The following UNC119 variants were observed in gnomAD, a reference collection of about 807,000 sequenced individuals.
The protein encoded by UNC119 is unc-119 lipid binding chaperone.
UNC119 carries 15 observed loss-of-function variants against 22.6 expected under a neutral mutation model. That is an observed-to-expected ratio of 0.66 (90% CI 0.44 to 1.02). The LOEUF (loss-of-function observed/expected upper bound fraction) is 1.02, where lower values mean the gene tolerates loss of function less well. UNC119 is among the 50% of genes least tolerant of loss of function. The pLI is 0.00. For synonymous variants in UNC119, 138 were observed against 139.4 expected, an observed-to-expected ratio of 0.99 and a Z score of 0.07; for missense variants, 322 against 336.0, an observed-to-expected ratio of 0.96 and a Z score of 0.33.
At chr17:28,547,974 C>T (rs1236893751) in intron 3 of UNC119, 25 bp downstream of exon 3, 1 of 1,613,758 alleles carries the variant, frequency 6.2e-7, no homozygotes, top group South Asian at 1.1e-5. Flanking sequence ...TCACCCCCAC[C>T]ACCACCCATA....
intron 1 of UNC119, 54 bp from the exon 2 acceptor site, chr17:28,548,759 G>A: frequency 6.8e-7 from 1 of 1,468,770 alleles, no homozygotes. Context: ...CCTGCTGCCA[G>A]GTCAGCTTGT....
intron 1 of UNC119, chr17:28,549,312 T>G (rs1024732481): frequency 2.6e-5 from 4 of 152,568 alleles, no homozygotes; most frequent in African/African-American, 9.7e-5. Flanking sequence ...GTGAGGCTGA[T>G]GTTAAGGGGA....
At chr17:28,548,861 C>A in intron 1 of UNC119, 156 bp from the exon 2 acceptor site, 1 of 618,804 alleles carries the variant, frequency 1.6e-6, no homozygotes, top group Admixed American at 2.7e-5. Context: ...GGGTACACCC[C>A]CAGTGTGGAA....
chr17:28,548,132 G>A lies in UNC119; in HGVS notation c.335-31C>T, dbSNP rs773109010. ...ATGTACCCCAGCTGGGGCTCAGTGG[G>A]CTTCAGGCTGGGCCCTTGTCCACCC... On this transcript the variant is annotated intron_variant, in intron 2 of 4. Coordinates refer to ENST00000335765, the MANE Select transcript of UNC119 (RefSeq NM_005148.4). The A allele has an allele frequency of 5.0e-6, 8 of 1,587,372 alleles. No homozygotes were observed. In the Admixed American group the frequency reaches 1.4e-4, roughly 28 times the overall value.
Position 28,548,578 on chromosome 17 carries a change from C to T in UNC119, c.334+14G>A, listed in dbSNP as rs1313133274. The T allele has an allele frequency of 3.1e-6, 5 of 1,610,408 alleles. No homozygotes were observed. Among genetic ancestry groups the T allele is most frequent in the Middle Eastern group, 1.7e-4 (1 of 6,058 alleles). Reference sequence around the variant, plus strand: ...TATCTGCCTCCCCATCAATGGCCCACCCAGCCCACTCACCTGAGACTGGGG... The same window carrying T: ...TATCTGCCTCCCCATCAATGGCCCATCCAGCCCACTCACCTGAGACTGGGG... On this transcript the variant is annotated intron_variant, in intron 2 of 4. Coordinates refer to ENST00000335765, the MANE Select transcript of UNC119 (RefSeq NM_005148.4).
rs780972765 is a variant in UNC119, at chr17:28,548,721, A to T, written c.221-16T>A. ...CAGAGGTAGTCTAGGGGAAACAGGC[A>T]GCTGAGCAAGGAAGGGGCCGCAAAG... On this transcript the variant is annotated splice_polypyrimidine_tract_variant and intron_variant, in intron 1 of 4. Transcript: ENST00000335765. The T allele has an allele frequency of 3.7e-6, 6 of 1,608,428 alleles. No individual in the cohort carries two copies. Among genetic ancestry groups the T allele is most frequent in the Non-Finnish European group, 8.5e-7 (1 of 1,175,204 alleles).
intron 1 of UNC119, chr17:28,550,267 T>C (rs1293787136): frequency 6.6e-6 from 1 of 152,172 alleles, no homozygotes; most frequent in Non-Finnish European, 1.5e-5. Flanking sequence ...GGAACGGAGG[T>C]GGCAGAGTGG....
chr17:28,547,540 A>G (rs918796382), intron 4 of UNC119, 131 bp from the exon 5 acceptor site: 2 of 1,590,136 alleles, frequency 1.3e-6, no homozygotes, highest in African/African-American at 2.7e-5. Context: ...TCTACGGATG[A>G]TATGGGAATG....
chr17:28,547,486 G>A, intron 4 of UNC119, 77 bp from the exon 5 acceptor site: 7 of 1,598,004 alleles, frequency 4.4e-6, no homozygotes, highest in Non-Finnish European at 6.0e-6. Flanking sequence ...CAGGACTGGG[G>A]TACAGGGACA....
chr17:28,552,117 G>A (rs1461471703), intron 1 of UNC119: 4 of 710,082 alleles, frequency 5.6e-6, no homozygotes, highest in South Asian at 3.0e-5. Context: ...AATAAATCTC[G>A]AAAGGGAGAA....
At chr17:28,551,127 C>G (rs1390563982) in intron 1 of UNC119, 3 of 152,364 alleles carry the variant, frequency 2.0e-5, no homozygotes, top group Non-Finnish European at 4.4e-5. Flanking sequence ...GCTGTCTCCC[C>G]TCCACAGCTC....
chr17:28,547,235 T>G lies in UNC119; in HGVS notation c.*62A>C. 1.9e-6 allele frequency: 3 copies of G among 1,592,454 alleles called. No homozygotes were observed. The highest frequency in any genetic ancestry group is 2.6e-6 in the Non-Finnish European group (3 of 1,164,132). On this transcript the variant is annotated 3_prime_UTR_variant, in exon 5 of 5. Coordinates refer to ENST00000335765, the MANE Select transcript of UNC119 (RefSeq NM_005148.4). Reference sequence around the variant, plus strand: ...AGGACTTGGGGTTGAGGGGTGAGCGTTGGGGAGGTCACAGCTCCCAGCCCA... The same window carrying G: ...AGGACTTGGGGTTGAGGGGTGAGCGGTGGGGAGGTCACAGCTCCCAGCCCA...
chr17:28,547,483 G>C, intron 4 of UNC119, 74 bp from the exon 5 acceptor site: 1 of 1,599,220 alleles, frequency 6.3e-7, no homozygotes. Context: ...CTTCAGGACT[G>C]GGGTACAGGG....
intron 1 of UNC119, 43 bp from the exon 2 acceptor site, chr17:28,548,748 C>A: frequency 6.5e-7 from 1 of 1,534,314 alleles, no homozygotes; most frequent in South Asian, 1.1e-5. Context: ...GCCGCAAAGC[C>A]CCTGCTGCCA....
chr17:28,548,610 T>C lies in UNC119; in HGVS notation c.316A>G (p.Lys106Glu). Reference protein sequence around the residue: ...MDSGTVLFEIKKPPVSERLPI... With the variant: ...MDSGTVLFEIEKPPVSERLPI... The stretch of plus-strand genomic sequence containing the variant: ...CACTCACCTGAGACTGGGGGCTTCT[T>C]GATTTCAAAGAGGACAGTGCCTGAG... Residue 106 changes from lysine to glutamate, a missense_variant, in exon 2 of 5, where the codon AAG becomes GAG. Physicochemically the swap from Lys to Glu is moderately conservative, Grantham distance 56. Transcript: ENST00000335765. 2 of 1,614,166 alleles carry C rather than the reference T, an allele frequency of 1.2e-6. No homozygotes were observed. The highest frequency in any genetic ancestry group is 1.7e-6 in the Non-Finnish European group (2 of 1,179,994).
chr17:28,547,433 C>T (rs561880733), intron 4 of UNC119, 24 bp from the exon 5 acceptor site: 29 of 1,613,120 alleles, frequency 1.8e-5, no homozygotes, highest in South Asian at 3.3e-5. Context: ...CCAGCCAGGC[C>T]GGGCAAAGGT....
chr17:28,546,936 G>A lies in UNC119; in HGVS notation c.*361C>T, dbSNP rs2070210019. ...TAAATGGCCTGAAGGTAGTGGGCAG[G>A]GGACAGGGAATGGATCCCTGCCTGA... On this transcript the variant is annotated 3_prime_UTR_variant, in exon 5 of 5. Transcript: ENST00000335765. 10 of 342,796 alleles carry A rather than the reference G, an allele frequency of 2.9e-5. No individual in the cohort carries two copies. The highest frequency in any genetic ancestry group is 2.1e-4 in the South Asian group (9 of 43,280). 21.2% of individuals were successfully genotyped at this position (342,796 alleles called of 1,614,324 possible). A position where few individuals can be genotyped will look rare whatever the true frequency, so the allele number is the denominator to read the frequency against.
At position 28,547,444 on chromosome 17, in the gene UNC119, C is replaced by T. The variant is rs756931971; in HGVS notation, c.611-35G>A. 1.9e-6 allele frequency: 3 copies of T among 1,609,840 alleles called. No individual in the cohort carries two copies. In the African/African-American group the frequency reaches 4.0e-5, roughly 21 times the overall value. ...AGGCCCAGCCAGGCCGGGCAAAGGT[C>T]AGGAGCTTGAGTCCCGCCACTGCAG... On this transcript the variant is annotated intron_variant, in intron 4 of 4. Coordinates refer to ENST00000335765, the MANE Select transcript of UNC119 (RefSeq NM_005148.4).
chr17:28,547,147 C>A lies in UNC119; in HGVS notation c.*150G>T. The A allele has an allele frequency of 2.1e-6, 2 of 960,586 alleles. No homozygotes were observed. The highest frequency in any genetic ancestry group is 3.2e-6 in the Non-Finnish European group (2 of 627,206). 59.5% of individuals were successfully genotyped at this position (960,586 alleles called of 1,614,324 possible). A position where few individuals can be genotyped will look rare whatever the true frequency, so the allele number is the denominator to read the frequency against. On this transcript the variant is annotated 3_prime_UTR_variant, in exon 5 of 5. Coordinates refer to ENST00000335765, the MANE Select transcript of UNC119 (RefSeq NM_005148.4). The stretch of plus-strand genomic sequence containing the variant: ...GGCTTCATGGGCTTGACTGGGGACA[C>A]CAGGTACCCTTCCTCCCAACATTGA...
Sources: gnomAD v4.1 joint callset for allele counts on GRCh38, gnomAD v4.1.1 for gene constraint, MANE v1.5 for transcripts, NCBI Gene and HGNC (gene_info 2026-07-23, HGNC 2026-07-21) for gene names.